UPF1: variants seen among roughly 807,000 people sequenced by gnomAD.
UPF1 encodes UPF1 RNA helicase and ATPase, also known as regulator of nonsense transcripts 1.
UPF1 carries 9 observed loss-of-function variants against 129.2 expected under a neutral mutation model. The ratio of observed to expected loss-of-function variants is 0.07; its 90% CI spans 0.04 to 0.12. The LOEUF (loss-of-function observed/expected upper bound fraction) is 0.12. Ranked by LOEUF, UPF1 falls within the 10% of genes least tolerant of loss-of-function variation. The pLI, the probability that UPF1 is intolerant of heterozygous loss-of-function variation, is 1.00. For missense variants in UPF1, 788 were observed against 1,525.3 expected (o/e 0.52, Z 8.05); for synonymous variants, 649 against 644.9 (o/e 1.01, Z -0.10).
chr19:18,847,941 C>G (rs2055618113), intron 3 of UPF1, 108 bp downstream of exon 3: 1 of 1,270,302 alleles, frequency 7.9e-7, no homozygotes. Context: ...CGCTAACAAA[C>G]CTGGGTTTTT....
At chr19:18,848,048 T>C in intron 3 of UPF1, 1 of 487,154 alleles carries the variant, frequency 2.1e-6, no homozygotes. Context: ...CTTTTTATTA[T>C]GCAAGTAGGG....
chr19:18,847,922 A>T, intron 3 of UPF1, 89 bp downstream of exon 3: 1 of 1,419,406 alleles, frequency 7.0e-7, no homozygotes, highest in Non-Finnish European at 9.8e-7. Flanking sequence ...AAAGCGTAAT[A>T]TAAAATCACG....
chr19:18,847,874 T>A lies in UPF1; in HGVS notation c.461+41T>A, dbSNP rs1299071520. The A allele has an allele frequency of 3.8e-6, 6 of 1,565,750 alleles. No individual in the cohort carries two copies. In the South Asian group the frequency reaches 5.6e-5, roughly 15 times the overall value. ...ATGCATGTGTGTTTAATCAGTGCTGTGCTCAGATTTGTGTGTAAATTATGG... is the reference window on the plus strand; with the variant it reads ...ATGCATGTGTGTTTAATCAGTGCTGAGCTCAGATTTGTGTGTAAATTATGG... On this transcript the variant is annotated intron_variant, in intron 3 of 23. Coordinates refer to ENST00000262803, the MANE Select transcript of UPF1 (RefSeq NM_002911.4).
Position 18,856,979 on chromosome 19 carries a change from G to A in UPF1, c.1927G>A (p.Glu643Lys), listed in dbSNP as rs1478070313. 1 of 1,612,756 alleles carries A rather than the reference G, an allele frequency of 6.2e-7. No homozygotes were observed. The highest frequency in any genetic ancestry group is 8.5e-7 in the Non-Finnish European group (1 of 1,179,994). ...ILIDESTQAT[E>K]PECMVPVVLG... is the part of the protein sequence containing the mutation. ...AATCGACGAAAGCACCCAGGCCACC[G>A]AGCCGGAGTGCATGGTTCCCGTGGT... Residue 643 changes from glutamate (E) to lysine (K), a missense_variant, in exon 14 of 24, where the codon GAG becomes AAG. Around this residue, in one of 6 missense-constraint regions of UPF1, gnomAD observed 140 missense variants for 385.9 expected, o/e 0.36. Coordinates refer to ENST00000262803, the MANE Select transcript of UPF1 (RefSeq NM_002911.4).
At chr19:18,855,517 A>T (rs2055707824) in intron 11 of UPF1, 1 of 549,898 alleles carries the variant, frequency 1.8e-6, no homozygotes, top group Non-Finnish European at 3.3e-6. Flanking sequence ...GGCACTTTAT[A>T]GTGTGGCGGG....
chr19:18,865,758 T>C lies in UPF1; in HGVS notation c.3217T>C (p.Ser1073Pro). 6.2e-7 allele frequency: 1 copy of C among 1,612,988 alleles called. No homozygotes were observed. Among genetic ancestry groups the C allele is most frequent in the Non-Finnish European group, 8.5e-7 (1 of 1,179,940 alleles). Residue 1073 changes from serine (S) to proline (P), a missense_variant, in exon 22 of 24, where the codon TCC (serine) becomes CCC (proline). This residue lies in a region of UPF1 where 218 missense variants were observed against 318.1 expected (regional missense o/e 0.69). Coordinates refer to ENST00000262803, the MANE Select transcript of UPF1 (RefSeq NM_002911.4). This position sits in a 1 kb window ranked among gnomAD's most constrained non-coding sequence, Gnocchi z 6.1. ...TTCCCAGATGAGCCAGCCCGGCCTCTCCCAGCCGGAGCTGTCCCAGGTGAG... is the reference window on the plus strand; with the variant it reads ...TTCCCAGATGAGCCAGCCCGGCCTCCCCCAGCCGGAGCTGTCCCAGGTGAG... Reference protein sequence around the residue: ...QPSQMSQPGLSQPELSQDSYL... With the variant: ...QPSQMSQPGLPQPELSQDSYL...
Position 18,833,642 on chromosome 19 carries a change from T to G in UPF1, c.231+1202T>G, listed in dbSNP as rs557823089. ...CTCTGGATTTCAGGTTGCTTTCACC[T>G]TAGGCTTGCTTTGTGCCTGACCTCT... On this transcript the variant is annotated intron_variant, in intron 1 of 23. Transcript: ENST00000262803. 2.1e-3 allele frequency among the ~76,000 whole-genome samples: 320 copies of G among 152,120 alleles called. 3 individuals carry two copies. The highest frequency in any genetic ancestry group is 6.7e-3 in the African/African-American group (276 of 41,424).
intron 3 of UPF1, chr19:18,848,043 T>C: frequency 2.0e-6 from 1 of 494,660 alleles, no homozygotes; most frequent in South Asian, 2.8e-5. Context: ...TGGCTCTTTT[T>C]ATTATGCAAG....
At position 18,853,858 on chromosome 19, in the gene UPF1, G is replaced by C. The variant is rs2055686682; in HGVS notation, c.1156+508G>C. Among the ~76,000 whole-genome samples, 1 of 152,212 alleles carries C rather than the reference G, an allele frequency of 6.6e-6. No homozygotes were observed. Among genetic ancestry groups the C allele is most frequent in the African/African-American group, 2.4e-5 (1 of 41,452 alleles). On this transcript the variant is annotated intron_variant, in intron 8 of 23. Coordinates refer to ENST00000262803, the MANE Select transcript of UPF1 (RefSeq NM_002911.4). This position sits in a 1 kb window ranked among gnomAD's most constrained non-coding sequence, Gnocchi z 4.4. Reference sequence around the variant, plus strand: ...CAGCTGTAAGGCACAGGTGCAGTCAGAGGCTTGGGTGGGGAGGAGTCCTGG... The same window carrying C: ...CAGCTGTAAGGCACAGGTGCAGTCACAGGCTTGGGTGGGGAGGAGTCCTGG...
chr19:18,837,090 GT>G (rs1269690881), intron 1 of UPF1, among the ~76,000 whole-genome samples: 8 of 151,456 alleles, frequency 5.3e-5, no homozygotes, highest in Non-Finnish European at 1.2e-4. Context: ...TGCTACTTGG[GT>G]TTTTTGTTTT....
intron 1 of UPF1, among the ~76,000 whole-genome samples, chr19:18,841,021 A>AG (rs1183568521): frequency 6.6e-6 from 1 of 152,072 alleles, no homozygotes; most frequent in Admixed American, 6.5e-5. Flanking sequence ...GCCCTGGGAG[A>AG]GGGGGTTGCA....
In UPF1 at chr19:18,863,224, T is replaced by TA. The variant is rs1258576798; in HGVS notation, c.2601-213dup. ...GCCAGGTGTCTGCCATGGGGCTGCT[T>TA]AGAGTCGGCCACAAAATCAACCCGT... On this transcript the variant is annotated intron_variant, in intron 18 of 23. Transcript: ENST00000262803. 8 of 574,858 alleles carry TA rather than the reference T, an allele frequency of 1.4e-5. No individual in the cohort carries two copies. In the East Asian group the frequency reaches 2.0e-4, roughly 14 times the overall value. 35.6% of individuals were successfully genotyped at this position (574,858 alleles called of 1,614,324 possible). A position where few individuals can be genotyped will look rare whatever the true frequency, so the allele number is the denominator to read the frequency against.
At position 18,865,409 on chromosome 19, in the gene UPF1, C is replaced by T. The variant is rs1258819927; in HGVS notation, c.2978C>T (p.Pro993Leu). 1 of 1,613,940 alleles carries T rather than the reference C, an allele frequency of 6.2e-7. No homozygotes were observed. Among genetic ancestry groups the T allele is most frequent in the African/African-American group, 1.3e-5 (1 of 74,946 alleles). Residue 993 changes from proline (P) to leucine (L), a missense_variant, in exon 21 of 24, where the codon CCA becomes CTA. Physicochemically the swap from Pro to Leu is moderately conservative, Grantham distance 98. This residue lies in a region of UPF1 where 218 missense variants were observed against 318.1 expected (regional missense o/e 0.69). Transcript: ENST00000262803. The surrounding 1 kb of genome is among the most constrained non-coding windows in gnomAD (Gnocchi z 6.1). ...IPFNLVMPPMPPPGYFGQANG... is the reference protein window; with the variant it reads ...IPFNLVMPPMLPPGYFGQANG... ...TTCAACCTGGTCATGCCACCCATGC[C>T]ACCGCCTGGCTATTTTGGACAAGCC...
chr19:18,856,411 A>T (rs572767505), intron 13 of UPF1, 111 bp downstream of exon 13: 191 of 1,047,140 alleles, frequency 1.8e-4, no homozygotes, highest in Non-Finnish European at 2.4e-4. Context: ...AAGAGAACTT[A>T]GATGCTCTCT....
chr19:18,847,055 C>T (rs549323528), intron 2 of UPF1, among the ~76,000 whole-genome samples: 2 of 152,344 alleles, frequency 1.3e-5, no homozygotes, highest in East Asian at 1.9e-4. Context: ...TCCTTGCCCG[C>T]GTGCTGCCCA....
Position 18,850,175 on chromosome 19 carries a change from T to C in UPF1, c.562T>C (p.Cys188Arg). The part of the protein sequence containing the change: ...ETVLECYNCG[C>R]RNVFLLGFIP... ...AGTCCTGGAGTGCTACAACTGCGGC[T>C]GTCGCAACGTCTTCCTCCTCGGCTT... is the stretch of plus-strand genomic sequence containing the variant. The change falls in exon 4 of 24, where the codon TGT (cysteine) becomes CGT (arginine). Residue 188 changes from cysteine (C) to arginine (R), a missense_variant. Transcript: ENST00000262803. This position sits in a 1 kb window ranked among gnomAD's most constrained non-coding sequence, Gnocchi z 7.1. 6.2e-7 allele frequency: 1 copy of C among 1,614,020 alleles called. No homozygotes were observed. Among genetic ancestry groups the C allele is most frequent in the Non-Finnish European group, 8.5e-7 (1 of 1,179,940 alleles).
At position 18,832,172 on chromosome 19, in the gene UPF1, A is replaced by G; in HGVS notation, c.-38A>G. On this transcript the variant is annotated 5_prime_UTR_variant, in exon 1 of 24. Transcript: ENST00000262803. The surrounding 1 kb of genome is among the most constrained non-coding windows in gnomAD (Gnocchi z 5.6). ...TCAGCGCGGCGGCGGGCTCGAGTGC[A>G]GCGCGGAACCGGCCCGAGGGCCCTA... is the stretch of plus-strand genomic sequence containing the variant. 9 of 1,496,726 alleles carry G rather than the reference A, an allele frequency of 6.0e-6. No homozygotes were observed. The highest frequency in any genetic ancestry group is 8.1e-6 in the Non-Finnish European group (9 of 1,117,996). 92.7% of individuals were successfully genotyped at this position (1,496,726 alleles called of 1,614,324 possible).
intron 15 of UPF1, 125 bp downstream of exon 15, chr19:18,857,658 T>C: frequency 8.8e-7 from 1 of 1,136,048 alleles, no homozygotes; most frequent in Non-Finnish European, 1.2e-6. Context: ...CTGCTTGAGG[T>C]CAGGGCACTT....
intron 1 of UPF1, among the ~76,000 whole-genome samples, chr19:18,834,709 T>C (rs1354133139): frequency 6.6e-6 from 1 of 152,164 alleles, no homozygotes; most frequent in Admixed American, 6.6e-5. Context: ...AGTCTATGAA[T>C]ATCATTCAAG....
Sources: gnomAD v4.1 joint callset for allele counts (sites outside exome capture counted in the v4.1 genomes callset) on GRCh38, gnomAD v4.1.1 for gene constraint, gnomAD v4.1.1 regional missense constraint, Gnocchi (gnomAD v3.1) non-coding constraint, MANE v1.5 for transcripts, NCBI Gene and HGNC (gene_info 2026-07-23, HGNC 2026-07-21) for gene names.